The following NEB variants were observed in gnomAD, a reference collection of about 807,000 sequenced individuals.
NEB encodes the protein nebulin, also known as nemaline myopathy type 2.
In NEB, 512 loss-of-function variants were observed where a neutral mutation model predicts 952.2. That is an observed-to-expected ratio of 0.54 (90% CI 0.50 to 0.58). The LOEUF (loss-of-function observed/expected upper bound fraction) is 0.58, where lower values mean the gene tolerates loss of function less well. NEB is among the 20% of genes least tolerant of loss of function. The probability of loss-of-function intolerance (pLI) is 0.00; values close to 1 mark genes in which losing one functional copy is unlikely to be tolerated. For missense variants in NEB, 8,428 were observed against 9,231.1 expected, an observed-to-expected ratio of 0.91 and a Z score of 3.56; for synonymous variants, 2,900 against 3,149.8, an observed-to-expected ratio of 0.92 and a Z score of 2.66.
intron 153 of NEB, among the ~76,000 whole-genome samples, chr2:151,521,297 C>T (rs781234176): frequency 2.0e-4 from 31 of 152,276 alleles, no homozygotes; most frequent in Admixed American, 1.4e-3. Context: ...AAAAAATAAG[C>T]ATGCAGAACA....
chr2:151,696,867 T>C (rs2149341499), intron 16 of NEB, 132 bp from the exon 17 acceptor site: 1 of 685,736 alleles, frequency 1.5e-6, no homozygotes, highest in East Asian at 2.7e-5. Flanking sequence ...TATTTTTTTC[T>C]AACTAGACTG....
intron 5 of NEB, among the ~76,000 whole-genome samples, chr2:151,725,944 A>G (rs1019204540): frequency 7.2e-5 from 11 of 152,224 alleles, no homozygotes; most frequent in Admixed American, 4.6e-4. Flanking sequence ...AAAATATTCA[A>G]TTCAGAAGTT....
In NEB at chr2:151,547,552, C is replaced by T; in HGVS notation, c.20263-19G>A. On this transcript the variant is annotated intron_variant, in intron 132 of 181. Transcript: ENST00000397345. ...AGATCAACTAAAGAAAAAAAAATAC[C>T]CCAAAACATATGTATTAGAGACCGA... 6.3e-7 allele frequency: 1 copy of T among 1,597,994 alleles called. No individual in the cohort carries two copies. Among genetic ancestry groups the T allele is most frequent in the South Asian group, 1.1e-5 (1 of 89,292 alleles).
chr2:151,627,948 A>G, intron 68 of NEB, 114 bp from the exon 69 acceptor site: 1 of 1,326,128 alleles, frequency 7.5e-7, no homozygotes, highest in Non-Finnish European at 1.0e-6. Flanking sequence ...TAATGAAAGA[A>G]TCTGCATATC....
chr2:151,673,500 T>C (rs1471316558), intron 36 of NEB, among the ~76,000 whole-genome samples: 2 of 151,718 alleles, frequency 1.3e-5, no homozygotes, highest in Non-Finnish European at 2.9e-5. Context: ...CTACTTAGAC[T>C]AGAAATGTAT....
Position 151,682,711 on chromosome 2 carries a change from C to T in NEB, c.2894G>A (p.Gly965Glu), listed in dbSNP as rs773176522. 3 of 1,613,306 alleles carry T rather than the reference C, an allele frequency of 1.9e-6. No individual in the cohort carries two copies. Among genetic ancestry groups the T allele is most frequent in the East Asian group, 2.2e-5 (1 of 44,852 alleles). ...CTTTGCCTTTTCCATTTCTAAGGAC[C>T]CAAAAGGCACCCAGCCACAACCTTT... Reference protein sequence around the residue: ...WMKGCGWVPFGSLEMEKAKRA... With the variant: ...WMKGCGWVPFESLEMEKAKRA... The change falls in exon 29 of 182, where the codon GGG becomes GAG. Residue 965 changes from glycine (G) to glutamate (E), a missense_variant. Gly to Glu is a moderately conservative substitution (Grantham distance 98). Coordinates refer to ENST00000397345, the MANE Select transcript of NEB (RefSeq NM_001164508.2).
intron 24 of NEB, chr2:151,689,333 T>C (rs2099528227): frequency 6.6e-6 from 1 of 150,870 alleles, no homozygotes; most frequent in Non-Finnish European, 1.5e-5. Context: ...GCCTCCTCAG[T>C]AGCTGAGACT....
chr2:151,493,828 G>A lies in NEB; in HGVS notation c.24619C>T (p.Pro8207Ser), dbSNP rs1257342849. Residue 8207 changes from proline to serine, a missense_variant, in exon 175 of 182, where the codon CCC becomes TCC. This residue lies in a region of NEB where 3,374 missense variants were observed against 3,651.5 expected (regional missense o/e 0.92). Coordinates refer to ENST00000397345, the MANE Select transcript of NEB (RefSeq NM_001164508.2). ...KENLGKATPT[P>S]FTPEMERVKR... is the part of the protein sequence containing the mutation. ...ACTCTTTCCATCTCAGGAGTAAAGGGTGTGGGGGTTGCTTTCCCCAGGTTC... is the reference window on the plus strand; with the variant it reads ...ACTCTTTCCATCTCAGGAGTAAAGGATGTGGGGGTTGCTTTCCCCAGGTTC... 6.3e-7 allele frequency: 1 copy of A among 1,586,910 alleles called. No individual in the cohort carries two copies. Among genetic ancestry groups the A allele is most frequent in the Non-Finnish European group, 8.6e-7 (1 of 1,165,464 alleles).
intron 142 of NEB, among the ~76,000 whole-genome samples, chr2:151,534,652 C>T (rs1030935537): frequency 3.3e-5 from 5 of 152,198 alleles, no homozygotes; most frequent in African/African-American, 1.2e-4. Flanking sequence ...TCAGCTACAG[C>T]TTTACCAACT....
chr2:151,510,872 C>G (rs2073699184), intron 161 of NEB, among the ~76,000 whole-genome samples: 1 of 152,142 alleles, frequency 6.6e-6, no homozygotes, highest in South Asian at 2.1e-4. Flanking sequence ...TTGTATTAAC[C>G]CCCAAGTATG....
chr2:151,568,066 A>G lies in NEB; in HGVS notation c.17844+5T>C, dbSNP rs748989842. ...GCAAAATGCACTCCCATCAGGATGT[A>G]TTACCTCACTCTGAACGTCATTGCA... On this transcript the variant is annotated splice_donor_5th_base_variant and intron_variant, in intron 113 of 181. Coordinates refer to ENST00000397345, the MANE Select transcript of NEB (RefSeq NM_001164508.2). The G allele has an allele frequency of 6.8e-6, 11 of 1,610,608 alleles. No homozygotes were observed. Among genetic ancestry groups the G allele is most frequent in the Non-Finnish European group, 9.3e-6 (11 of 1,177,526 alleles).
Position 151,677,982 on chromosome 2 carries a change from T to C in NEB, c.3461A>G (p.Asp1154Gly), listed in dbSNP as rs727504036. 1.2e-6 allele frequency: 2 copies of C among 1,613,980 alleles called. No individual in the cohort carries two copies. The highest frequency in any genetic ancestry group is 1.7e-6 in the Non-Finnish European group (2 of 1,179,864). The change falls in exon 33 of 182, where the codon GAT (aspartate) becomes GGT (glycine). Residue 1154 changes from aspartate to glycine, a missense_variant. Physicochemically the swap from Asp to Gly is moderately conservative, Grantham distance 94. Coordinates refer to ENST00000397345, the MANE Select transcript of NEB (RefSeq NM_001164508.2). ...FNVVAAKKAQ[D>G]VVSNVNYKHS... ...CTTATAGTTGACATTGCTGACCACA[T>C]CCTGGGCTTTCTTAGCCGCCACGAC...
chr2:151,725,320 C>A, intron 6 of NEB, 133 bp downstream of exon 6: 1 of 754,200 alleles, frequency 1.3e-6, no homozygotes, highest in Non-Finnish European at 2.2e-6. Context: ...ATGGTTCATG[C>A]TTTTCTAGAT....
chr2:151,681,833 C>A (rs903618842), intron 29 of NEB, among the ~76,000 whole-genome samples: 4 of 152,066 alleles, frequency 2.6e-5, no homozygotes, highest in Non-Finnish European at 1.5e-5. Flanking sequence ...TACTTCAAAG[C>A]CAACCAGAAT....
chr2:151,555,057 A>G lies in NEB; in HGVS notation c.19315-13T>C, dbSNP rs1181440690. The stretch of plus-strand genomic sequence containing the variant: ...CCCGATATTTGATCTATAGAGAATA[A>G]GTAGAAAGGAAGAAACAGTTTTAGA... On this transcript the variant is annotated splice_polypyrimidine_tract_variant and intron_variant, in intron 124 of 181. Transcript: ENST00000397345. 1 of 1,520,076 alleles carries G rather than the reference A, an allele frequency of 6.6e-7. No individual in the cohort carries two copies. Among genetic ancestry groups the G allele is most frequent in the South Asian group, 1.1e-5 (1 of 89,054 alleles). 94.2% of individuals were successfully genotyped at this position (1,520,076 alleles called of 1,614,324 possible). A position where few individuals can be genotyped will look rare whatever the true frequency, so the allele number is the denominator to read the frequency against.
In NEB at chr2:151,610,268, A is replaced by G. The variant is rs531002685; in HGVS notation, c.12019-148T>C. The G allele has an allele frequency of 3.2e-5, 24 of 743,260 alleles. No homozygotes were observed. The African/African-American group carries it at 3.9e-4, about 12-fold the overall frequency. The allele number at this position is 743,260 out of a possible 1,614,324, so 46.0% of individuals were successfully genotyped here. ...ATTATATTTAAAAGCAATGTTTTATACTGTTTTAAAAATAATTGTAATGTA... is the reference window on the plus strand; with the variant it reads ...ATTATATTTAAAAGCAATGTTTTATGCTGTTTTAAAAATAATTGTAATGTA... On this transcript the variant is annotated intron_variant, in intron 80 of 181. Coordinates refer to ENST00000397345, the MANE Select transcript of NEB (RefSeq NM_001164508.2).
At chr2:151,691,996 C>T (rs781710902) in intron 22 of NEB, 28 bp from the exon 23 acceptor site, 3 of 1,608,078 alleles carry the variant, frequency 1.9e-6, no homozygotes, top group Non-Finnish European at 2.6e-6. Flanking sequence ...AAAAATAGAT[C>T]ATGATTGTTA....
rs761257246 is a variant in NEB, at chr2:151,639,971, A to G, written c.8775T>C (p.Thr2925=). 6.8e-6 allele frequency: 11 copies of G among 1,613,876 alleles called. No homozygotes were observed. Among genetic ancestry groups the G allele is most frequent in the Non-Finnish European group, 8.5e-7 (1 of 1,179,864 alleles). The change falls in exon 62 of 182, where the codon ACT becomes ACC. Residue 2925 remains threonine, a synonymous_variant. Transcript: ENST00000397345. The part of the protein sequence containing the change: ...SLDVEKCKRA[T]EILSDKIYRQ... ...GATAGATTTTATCACTCAAAATTTC[A>G]GTTGCCCTTTTGCATTTTTCCACAT... is the stretch of plus-strand genomic sequence containing the variant.
intron 123 of NEB, 22 bp downstream of exon 123, chr2:151,560,980 AGG>A: frequency 6.9e-7 from 1 of 1,443,078 alleles, no homozygotes; most frequent in Non-Finnish European, 9.7e-7. Context: ...CTCATATATA[AGG>A]GGGAAAAAAA....
Sources: gnomAD v4.1 joint callset for allele counts (sites outside exome capture counted in the v4.1 genomes callset) on GRCh38, gnomAD v4.1.1 for gene constraint, gnomAD v4.1.1 regional missense constraint, MANE v1.5 for transcripts, NCBI Gene and HGNC (gene_info 2026-07-23, HGNC 2026-07-21) for gene names.